Variants in GDA observed in about 807,000 individuals in gnomAD.
GDA encodes the protein cytoplasmic PSD-95 interactor.
GDA carries 18 observed loss-of-function variants against 59.6 expected under a neutral mutation model. The ratio of observed to expected loss-of-function variants is 0.30; its 90% confidence interval spans 0.21 to 0.45. The LOEUF is 0.45. Ranked by LOEUF, GDA falls within the 20% of genes least tolerant of loss-of-function variation. The pLI, the probability that GDA is intolerant of heterozygous loss-of-function variation, is 1.00. For synonymous variants in GDA, 201 were observed against 201.1 expected, an observed-to-expected ratio of 1.00 and a Z score of 0.00; for missense variants, 427 against 552.3, an observed-to-expected ratio of 0.77 and a Z score of 2.27.
intron 4 of GDA, among the ~76,000 whole-genome samples, chr9:72,212,599 T>C (rs1011376839): frequency 2.0e-5 from 3 of 152,146 alleles, no homozygotes; most frequent in Non-Finnish European, 4.4e-5. Flanking sequence ...ACTGTACATA[T>C]ATAGGTTTAG....
chr9:72,125,602 T>C (rs1825818723), intron 1 of GDA, among the ~76,000 whole-genome samples: 1 of 152,186 alleles, frequency 6.6e-6, no homozygotes, highest in Non-Finnish European at 1.5e-5. Context: ...AACTATATGA[T>C]ATATTGTTAT....
At chr9:72,199,754 C>A (rs1382439609) in intron 2 of GDA, among the ~76,000 whole-genome samples, 1 of 152,160 alleles carries the variant, frequency 6.6e-6, no homozygotes. Context: ...GCACTAGTCA[C>A]TGCCCTGCTC....
chr9:72,152,775 GCAGAAGCTCTT>G (rs1827378262), intron 1 of GDA, among the ~76,000 whole-genome samples: 1 of 152,094 alleles, frequency 6.6e-6, no homozygotes, highest in Non-Finnish European at 1.5e-5. Context: ...CTTTTGCTGT[GCAGAAGCTCTT>G]TAGTTTAATT....
intron 1 of GDA, among the ~76,000 whole-genome samples, chr9:72,167,511 G>A (rs189147629): frequency 6.6e-6 from 1 of 152,294 alleles, no homozygotes; most frequent in African/African-American, 2.4e-5. Flanking sequence ...CAGTTGAAAT[G>A]CTGCATTTCT....
In GDA at chr9:72,251,091, C is replaced by A. The variant is rs1302065427; in HGVS notation, c.*2749C>A. 11 of 418,038 alleles carry A rather than the reference C, an allele frequency of 2.6e-5. No homozygotes were observed. Among genetic ancestry groups the A allele is most frequent in the African/African-American group, 1.6e-4 (8 of 49,070 alleles). 25.9% of individuals were successfully genotyped at this position (418,038 alleles called of 1,614,324 possible). A position where few individuals can be genotyped will look rare whatever the true frequency, so the allele number is the denominator to read the frequency against. On this transcript the variant is annotated 3_prime_UTR_variant, in exon 14 of 14. Coordinates refer to ENST00000358399, the MANE Select transcript of GDA (RefSeq NM_004293.5). ...AGGAGATATTGGAACAGGCTCCCTT[C>A]ATGCCAAGGGTCTTTCTAAGTTAAT...
intron 1 of GDA, among the ~76,000 whole-genome samples, chr9:72,157,971 G>T (rs1158376278): frequency 1.3e-5 from 2 of 152,090 alleles, no homozygotes; most frequent in African/African-American, 2.4e-5. Context: ...CACATTGTTG[G>T]CACCAATTTC....
chr9:72,148,589 G>A (rs1018475944), upstream of GDA, among the ~76,000 whole-genome samples: 5 of 152,136 alleles, frequency 3.3e-5, no homozygotes, highest in African/African-American at 7.2e-5. Context: ...GGAACAGCAC[G>A]TTAGAGGGCC....
At chr9:72,203,364 T>C (rs1834252778) in intron 3 of GDA, among the ~76,000 whole-genome samples, 1 of 152,220 alleles carries the variant, frequency 6.6e-6, no homozygotes, top group Admixed American at 6.5e-5. Context: ...GGTCCCATAT[T>C]GCATGGCACG....
At chr9:72,188,668 A>T (rs1329040406) in intron 1 of GDA, among the ~76,000 whole-genome samples, 1 of 152,216 alleles carries the variant, frequency 6.6e-6, no homozygotes, top group Non-Finnish European at 1.5e-5. Context: ...CTGCACAAAA[A>T]TGTGGGGTTG....
intron 1 of GDA, 82 bp from the exon 2 acceptor site, chr9:72,195,418 G>A: frequency 2.9e-6 from 1 of 343,404 alleles, no homozygotes; most frequent in Non-Finnish European, 5.3e-6. Context: ...TCTCTTTTAA[G>A]AATATTTACA....
chr9:72,168,997 C>T (rs1037362304), intron 1 of GDA, among the ~76,000 whole-genome samples: 11 of 152,198 alleles, frequency 7.2e-5, no homozygotes, highest in Admixed American at 2.6e-4. Context: ...AGTCACCAGC[C>T]TCTGTTACAA....
At chr9:72,134,086 T>G (rs970596432) in intron 1 of GDA, among the ~76,000 whole-genome samples, 6 of 152,008 alleles carry the variant, frequency 3.9e-5, no homozygotes, top group African/African-American at 1.4e-4. Flanking sequence ...AGTGAATTAG[T>G]GGAGGGAGTA....
At chr9:72,188,316 G>C (rs902187584) in intron 1 of GDA, among the ~76,000 whole-genome samples, 4 of 152,220 alleles carry the variant, frequency 2.6e-5, no homozygotes, top group Non-Finnish European at 4.4e-5. Context: ...TAAGAGGGCA[G>C]AATAGTTTGA....
chr9:72,180,223 G>T (rs1255949441), intron 1 of GDA, among the ~76,000 whole-genome samples: 1 of 152,134 alleles, frequency 6.6e-6, no homozygotes, highest in Admixed American at 6.5e-5. Flanking sequence ...CAGGCATGGT[G>T]GTGGGTGCCT....
chr9:72,120,883 A>G (rs1447420266), intron 1 of GDA, among the ~76,000 whole-genome samples: 2 of 152,104 alleles, frequency 1.3e-5, no homozygotes, highest in Admixed American at 1.3e-4. Flanking sequence ...CCGACCCTGC[A>G]AACTTACCAA....
intron 1 of GDA, among the ~76,000 whole-genome samples, chr9:72,129,814 G>T (rs184164602): frequency 1.9e-3 from 292 of 152,228 alleles, no homozygotes; most frequent in African/African-American, 6.8e-3. Flanking sequence ...TAACCAGAGG[G>T]TTGCTTGGTA....
Position 72,213,902 on chromosome 9 carries a change from G to A in GDA, c.489G>A (p.Arg163=). The A allele has an allele frequency of 6.2e-7, 1 of 1,600,918 alleles. No individual in the cohort carries two copies. The highest frequency in any genetic ancestry group is 8.6e-7 in the Non-Finnish European group (1 of 1,168,030). The change falls in exon 5 of 14, where the codon CGG becomes CGA. Residue 163 remains arginine (R), a synonymous_variant. Coordinates refer to ENST00000358399, the MANE Select transcript of GDA (RefSeq NM_004293.5). ...LADITDKFGQ[R]AFVGKVCMDL... Reference sequence around the variant, plus strand: ...ACTTTACAGATAAATTTGGACAGCGGGCATTTGTGGGCAAAGTTTGCATGG... The same window carrying A: ...ACTTTACAGATAAATTTGGACAGCGAGCATTTGTGGGCAAAGTTTGCATGG...
chr9:72,213,720 A>G lies in GDA; in HGVS notation c.473-166A>G, dbSNP rs375155292. Among the ~76,000 whole-genome samples, 245 of 151,424 alleles carry G rather than the reference A, an allele frequency of 1.6e-3. 7 individuals carry two copies. In the East Asian group the frequency reaches 0.036, roughly 22 times the overall value. ...CGGGAGGCTGAGGCAGGAGAATGGC[A>G]TGAACCTGGGAGGCGGAGCTTGCAG... On this transcript the variant is annotated intron_variant, in intron 4 of 13. Coordinates refer to ENST00000358399, the MANE Select transcript of GDA (RefSeq NM_004293.5).
At chr9:72,143,426 G>A (rs1350248761) in intron 1 of GDA, among the ~76,000 whole-genome samples, 3 of 152,092 alleles carry the variant, frequency 2.0e-5, no homozygotes, top group African/African-American at 7.2e-5. Flanking sequence ...ACCACACCCG[G>A]CCCAAGAATA....
Sources: allele counts gnomAD v4.1 joint callset (sites outside exome capture counted in the v4.1 genomes callset), GRCh38; gene constraint gnomAD v4.1.1; transcripts MANE v1.5; gene names NCBI Gene and HGNC (gene_info 2026-07-23, HGNC 2026-07-21).